Variants in ADGRD1 observed in about 807,000 individuals in gnomAD.
ADGRD1 encodes the protein G-protein coupled receptor 133.
A neutral mutation model predicts 113.4 loss-of-function variants in ADGRD1; 77 were observed. That is an observed-to-expected ratio of 0.68 (90% CI 0.57 to 0.82). The LOEUF is 0.82. ADGRD1 is among the 40% of genes least tolerant of loss of function. The pLI, the probability that ADGRD1 is intolerant of heterozygous loss-of-function variation, is 0.00. For missense variants in ADGRD1, 1,036 were observed against 1,139.1 expected (o/e 0.91, Z 1.30); for synonymous variants, 474 against 475.0 (o/e 1.00, Z 0.03).
chr12:131,116,542 C>T (rs919004529), intron 18 of ADGRD1, among the ~76,000 whole-genome samples: 2 of 142,128 alleles, frequency 1.4e-5, no homozygotes, highest in Non-Finnish European at 2.9e-5. Flanking sequence ...GGCCTGGAGG[C>T]GGTCGGGTGG....
In ADGRD1 at chr12:131,050,049, TC is replaced by T. The variant is rs1289067855; in HGVS notation, c.1474-26751del. Among the ~76,000 whole-genome samples the T allele has an allele frequency of 1.3e-5, 2 of 152,180 alleles. No individual in the cohort carries two copies. Among genetic ancestry groups the T allele is most frequent in the African/African-American group, 4.8e-5 (2 of 41,438 alleles). On this transcript the variant is annotated intron_variant, in intron 13 of 24. Transcript: ENST00000261654. The surrounding 1 kb of genome is among the most constrained non-coding windows in gnomAD (Gnocchi z 4.8). Reference sequence around the variant, plus strand: ...ACCTGGGAAACTGGGCACGAATGCTTCTCTTGCATAGTGCTTGGCACATAGA... The same window carrying T: ...ACCTGGGAAACTGGGCACGAATGCTTTCTTGCATAGTGCTTGGCACATAGA...
chr12:131,004,074 C>T (rs1371304516), intron 10 of ADGRD1, 112 bp from the exon 11 acceptor site: 20 of 650,276 alleles, frequency 3.1e-5, no homozygotes, highest in East Asian at 5.5e-5. Flanking sequence ...TTATACTTCC[C>T]GTGGGGAGCT....
At chr12:131,069,904 T>G (rs1885019026) in intron 13 of ADGRD1, 1 of 152,222 alleles carries the variant, frequency 6.6e-6, no homozygotes. Context: ...TATTATTGCA[T>G]GTATGAAAGA....
At chr12:131,097,141 T>A (rs1310324039) in intron 15 of ADGRD1, among the ~76,000 whole-genome samples, 1 of 152,018 alleles carries the variant, frequency 6.6e-6, no homozygotes, top group African/African-American at 2.4e-5. Context: ...ATTCCCTGAG[T>A]CAAATGTTCC....
In ADGRD1 at chr12:131,118,449, C is replaced by T; in HGVS notation, c.2106C>T (p.Asn702=). 2.5e-6 allele frequency: 4 copies of T among 1,609,154 alleles called. No homozygotes were observed. The highest frequency in any genetic ancestry group is 2.2e-5 in the East Asian group (1 of 44,728). Residue 702 remains asparagine, a splice_region_variant and synonymous_variant, in exon 19 of 25, where the codon AAC becomes AAT. Transcript: ENST00000261654. ...SFAMDSYGTS[N]NCWLSLASGA... is the part of the protein sequence containing the mutation. Reference sequence around the variant, plus strand: ...CCATGGACAGTTACGGAACAAGCAACAAGTAAGTGCAGGGCTTTGCCTTGC... The same window carrying T: ...CCATGGACAGTTACGGAACAAGCAATAAGTAAGTGCAGGGCTTTGCCTTGC...
chr12:131,122,096 C>G (rs769821921), intron 20 of ADGRD1: 2 of 152,418 alleles, frequency 1.3e-5, no homozygotes, highest in Non-Finnish European at 2.9e-5. Context: ...GCTGGTTGGG[C>G]CCGGGCTGCG....
At position 131,139,978 on chromosome 12, in the gene ADGRD1, C is replaced by T; in HGVS notation, c.*715C>T. On this transcript the variant is annotated 3_prime_UTR_variant, in exon 25 of 25. Transcript: ENST00000261654. ...GGGTCCCCTCTGCTCACGTGAAGAG[C>T]CGCTCTGGGCCTTGAGGCTGCCTGA... 1 of 152,484 alleles carries T rather than the reference C, an allele frequency of 6.6e-6. No homozygotes were observed. Among genetic ancestry groups the T allele is most frequent in the South Asian group, 2.1e-4 (1 of 4,826 alleles). 9.4% of individuals were successfully genotyped at this position (152,484 alleles called of 1,614,324 possible).
intron 15 of ADGRD1, among the ~76,000 whole-genome samples, chr12:131,102,798 C>T (rs1469368839): frequency 6.6e-6 from 1 of 152,120 alleles, no homozygotes; most frequent in East Asian, 1.9e-4. Context: ...GAGGCCAGGC[C>T]CAGGAGTTGA....
At chr12:130,969,387 T>C (rs1871357559) in intron 3 of ADGRD1, 1 of 292,344 alleles carries the variant, frequency 3.4e-6, no homozygotes, top group Non-Finnish European at 6.4e-6. Context: ...TCACCTGTAT[T>C]TACAGCTGCT....
At chr12:131,063,092 A>G (rs1302205784) in intron 13 of ADGRD1, among the ~76,000 whole-genome samples, 2 of 152,086 alleles carry the variant, frequency 1.3e-5, no homozygotes, top group Non-Finnish European at 2.9e-5. Context: ...TTTGTGTTTT[A>G]TCATTGAATT....
intron 15 of ADGRD1, among the ~76,000 whole-genome samples, chr12:131,097,335 C>T (rs1191258050): frequency 6.6e-6 from 1 of 152,192 alleles, no homozygotes; most frequent in Admixed American, 6.5e-5. Flanking sequence ...CCAGTCCCAG[C>T]ATCTGTTCAA....
intron 18 of ADGRD1, among the ~76,000 whole-genome samples, chr12:131,114,789 T>A (rs1950425179): frequency 6.6e-6 from 1 of 152,000 alleles, no homozygotes; most frequent in South Asian, 2.1e-4. Flanking sequence ...GCGAGACTTG[T>A]GCTAGGAACT....
intron 15 of ADGRD1, among the ~76,000 whole-genome samples, chr12:131,087,577 G>T (rs1409429366): frequency 2.0e-5 from 3 of 152,230 alleles, no homozygotes; most frequent in African/African-American, 7.2e-5. Context: ...AGGCTGGTGG[G>T]ACCCAAGCCC....
At chr12:131,010,003 G>A (rs920668321) in intron 12 of ADGRD1, among the ~76,000 whole-genome samples, 4 of 152,326 alleles carry the variant, frequency 2.6e-5, no homozygotes, top group East Asian at 1.9e-4. Flanking sequence ...GGCTGTTGCC[G>A]TCCTTTCTGA....
intron 13 of ADGRD1, among the ~76,000 whole-genome samples, chr12:131,051,116 G>A (rs1883345306): frequency 6.6e-6 from 1 of 152,224 alleles, no homozygotes; most frequent in Admixed American, 6.5e-5. Context: ...GAGATTTGGT[G>A]GGGACACAGA....
chr12:131,086,553 G>A (rs534687238), intron 15 of ADGRD1, among the ~76,000 whole-genome samples: 49 of 152,354 alleles, frequency 3.2e-4, no homozygotes, highest in African/African-American at 1.1e-3. Flanking sequence ...TGGAGACAGG[G>A]CCCTGGTTTT....
At chr12:131,015,829 G>T (rs912286498) in intron 13 of ADGRD1, among the ~76,000 whole-genome samples, 2 of 152,208 alleles carry the variant, frequency 1.3e-5, no homozygotes, top group African/African-American at 4.8e-5. Flanking sequence ...TGTTCTGTCT[G>T]CTCCATTCTC....
intron 18 of ADGRD1, among the ~76,000 whole-genome samples, chr12:131,117,775 CT>C (rs1356811527): frequency 1.3e-5 from 2 of 152,216 alleles, no homozygotes; most frequent in African/African-American, 4.8e-5. Context: ...AGAATGTGGA[CT>C]GTGTGCATGG....
At chr12:131,077,849 C>G (rs544667189) in intron 14 of ADGRD1, among the ~76,000 whole-genome samples, 2 of 152,174 alleles carry the variant, frequency 1.3e-5, no homozygotes, top group Admixed American at 6.5e-5. Flanking sequence ...GCAATCCTTC[C>G]GCCTCTCAAA....
Sources: allele counts gnomAD v4.1 joint callset (sites outside exome capture counted in the v4.1 genomes callset), GRCh38; gene constraint gnomAD v4.1.1; non-coding constraint Gnocchi (gnomAD v3.1); transcripts MANE v1.5; gene names NCBI Gene and HGNC (gene_info 2026-07-23, HGNC 2026-07-21).